Variants in C12orf42 observed in about 807,000 individuals in gnomAD.
C12orf42 encodes the protein chromosome 12 open reading frame 42.
A neutral mutation model predicts 21.6 loss-of-function variants in C12orf42; 25 were observed. The observed-to-expected ratio is 1.16, with a 90% confidence interval of 0.84 to 1.62. The LOEUF (loss-of-function observed/expected upper bound fraction) is 1.62, where lower values mean the gene tolerates loss of function less well. C12orf42 is among the 40% of genes most tolerant of loss of function. The pLI, the probability that C12orf42 is intolerant of heterozygous loss-of-function variation, is 0.00. For synonymous variants in C12orf42, 174 were observed against 175.0 expected, an observed-to-expected ratio of 0.99 and a Z score of 0.05; for missense variants, 483 against 459.3, an observed-to-expected ratio of 1.05 and a Z score of -0.47.
chr12:103,114,278 G>A, the C12orf42 span, among the ~76,000 whole-genome samples: 3 of 152,220 alleles, frequency 2.0e-5, no homozygotes, highest in Non-Finnish European at 2.9e-5. Flanking sequence ...AGACGGTGGG[G>A]ATAGAAAGCC....
At chr12:103,067,060 C>T in the C12orf42 span, among the ~76,000 whole-genome samples, 3 of 152,224 alleles carry the variant, frequency 2.0e-5, no homozygotes, top group Non-Finnish European at 4.4e-5. Context: ...TTGCCAGCAG[C>T]AGAGACAAAC....
intron 4 of C12orf42, among the ~76,000 whole-genome samples, chr12:103,294,486 C>CAAGCAAGA (rs1555245981): frequency 0.036 from 3,453 of 94,728 alleles, 224 homozygotes; most frequent in African/African-American, 0.12. Context: ...AGCAAGCAAG[C>CAAGCAAGA]AAGAAAGAAA....
At chr12:103,523,089 T>A in the C12orf42 span, among the ~76,000 whole-genome samples, 1 of 152,366 alleles carries the variant, frequency 6.6e-6, no homozygotes, top group Middle Eastern at 3.4e-3. Context: ...ATCTGCTACA[T>A]CTAACTTAGC....
At chr12:103,159,302 T>A in the C12orf42 span, among the ~76,000 whole-genome samples, 1 of 152,208 alleles carries the variant, frequency 6.6e-6, no homozygotes, top group African/African-American at 2.4e-5. Context: ...CAGTGGTGCA[T>A]GTCTACAGAG....
the C12orf42 span, among the ~76,000 whole-genome samples, chr12:103,113,161 T>C: frequency 6.6e-6 from 1 of 152,146 alleles, no homozygotes; most frequent in Admixed American, 6.5e-5. Flanking sequence ...GTGCTTTTTA[T>C]TTACTCTTTC....
chr12:103,397,116 A>C (rs1371338182), intron 3 of C12orf42, among the ~76,000 whole-genome samples: 1 of 152,210 alleles, frequency 6.6e-6, no homozygotes, highest in African/African-American at 2.4e-5. Flanking sequence ...ACATGTAAGT[A>C]ATTCTATAAC....
chr12:103,482,441 C>G (rs902862873), intron 1 of C12orf42, among the ~76,000 whole-genome samples: 2 of 152,110 alleles, frequency 1.3e-5, no homozygotes, highest in Admixed American at 6.5e-5. Flanking sequence ...TGCCTATTCT[C>G]TACAGTGTTT....
chr12:103,050,279 C>T, the C12orf42 span, among the ~76,000 whole-genome samples: 5 of 151,246 alleles, frequency 3.3e-5, no homozygotes, highest in Admixed American at 1.3e-4. Flanking sequence ...GAATAAGGCA[C>T]GATATATTGC....
At chr12:103,260,058 T>C (rs536044502) in intron 10 of C12orf42, among the ~76,000 whole-genome samples, 54 of 152,322 alleles carry the variant, frequency 3.5e-4, no homozygotes, top group African/African-American at 1.2e-3. Context: ...ATTAACCTGT[T>C]TGAAATTGAA....
chr12:103,072,973 T>C, the C12orf42 span, among the ~76,000 whole-genome samples: 1 of 152,156 alleles, frequency 6.6e-6, no homozygotes, highest in African/African-American at 2.4e-5. Flanking sequence ...GTGGTACATA[T>C]ACATCATGAA....
At chr12:103,482,985 C>T (rs1268614475) in intron 1 of C12orf42, among the ~76,000 whole-genome samples, 1 of 151,982 alleles carries the variant, frequency 6.6e-6, no homozygotes, top group Non-Finnish European at 1.5e-5. Flanking sequence ...CTGTTTCTTG[C>T]TTATAGTTTT....
intron 2 of C12orf42, among the ~76,000 whole-genome samples, chr12:103,466,373 G>A (rs1953129932): frequency 6.6e-6 from 1 of 152,012 alleles, no homozygotes; most frequent in Non-Finnish European, 1.5e-5. Context: ...TCTCCCAGAG[G>A]GTTTTGTAGT....
chr12:103,382,734 C>A (rs990385929), intron 3 of C12orf42, among the ~76,000 whole-genome samples: 1 of 152,188 alleles, frequency 6.6e-6, no homozygotes, highest in African/African-American at 2.4e-5. Context: ...CTGCTTCTTC[C>A]TACCTTTCTT....
the C12orf42 span, among the ~76,000 whole-genome samples, chr12:103,528,266 A>C: frequency 6.6e-6 from 1 of 152,230 alleles, no homozygotes; most frequent in East Asian, 1.9e-4. Flanking sequence ...AAAATTGAGA[A>C]AGCAACAGAC....
At chr12:103,467,013 A>G in intron 2 of C12orf42, among the ~76,000 whole-genome samples, 1 of 152,232 alleles carries the variant, frequency 6.6e-6, no homozygotes, top group East Asian at 1.9e-4. Flanking sequence ...TAGTGGACCC[A>G]CAGCTGACCA....
In C12orf42 at chr12:103,249,380, A is replaced by G. The variant is rs115342395; in HGVS notation, c.*1367-11478T>C. ...TAACAGAAAATAAATAAAGCTGACA[A>G]TAATATGCTACCATGAGTCAAAGAC... On this transcript the variant is annotated intron_variant and NMD_transcript_variant, in intron 10 of 10. Transcript: ENST00000547347. Among the ~76,000 whole-genome samples the G allele has an allele frequency of 5.8e-3, 885 of 152,230 alleles. 9 individuals carry two copies. The highest frequency in any genetic ancestry group is 0.02 in the African/African-American group (847 of 41,548).
the C12orf42 span, among the ~76,000 whole-genome samples, chr12:103,128,542 T>A: frequency 1.3e-5 from 2 of 152,220 alleles, no homozygotes; most frequent in Admixed American, 1.3e-4. Flanking sequence ...GTTCTAAACC[T>A]TGCAAATATT....
At chr12:103,460,174 C>T (rs1952593871) in intron 2 of C12orf42, among the ~76,000 whole-genome samples, 2 of 151,980 alleles carry the variant, frequency 1.3e-5, no homozygotes, top group African/African-American at 4.8e-5. Flanking sequence ...ATCCATGTGG[C>T]ACATAGCAGG....
At chr12:103,191,081 A>C in the C12orf42 span, among the ~76,000 whole-genome samples, 1 of 152,304 alleles carries the variant, frequency 6.6e-6, no homozygotes, top group African/African-American at 2.4e-5. Context: ...GAAAACTTGC[A>C]GGACAGAAAA....
Sources: gnomAD v4.1 joint callset for allele counts (sites outside exome capture counted in the v4.1 genomes callset) on GRCh38, gnomAD v4.1.1 for gene constraint, MANE v1.5 for transcripts, NCBI Gene and HGNC (gene_info 2026-07-23, HGNC 2026-07-21) for gene names.